Variants in DIAPH2 observed in about 807,000 individuals in gnomAD.
The protein encoded by DIAPH2 is diaphanous related formin 2, also known as protein diaphanous homolog 2.
DIAPH2 carries 35 observed loss-of-function variants against 92.7 expected under a neutral mutation model. That is an observed-to-expected ratio of 0.38 (90% CI 0.29 to 0.50). The LOEUF (loss-of-function observed/expected upper bound fraction) is 0.50, where lower values mean the gene tolerates loss of function less well. Ranked by LOEUF, DIAPH2 falls within the 20% of genes least tolerant of loss-of-function variation. DIAPH2 has a pLI of 0.94. For missense variants in DIAPH2, 701 were observed against 819.5 expected, an observed-to-expected ratio of 0.86 and a Z score of 1.77; for synonymous variants, 301 against 280.4, an observed-to-expected ratio of 1.07 and a Z score of -0.73.
intron 23 of DIAPH2, among the ~76,000 whole-genome samples, chrX:97,334,809 C>T (rs1332410313): frequency 9.4e-6 from 1 of 106,909 alleles, no homozygotes; most frequent in Non-Finnish European, 1.9e-5. Flanking sequence ...AGTGAAACGC[C>T]GTCTCTATTA....
intron 17 of DIAPH2, among the ~76,000 whole-genome samples, chrX:96,987,145 C>T (rs1450318068): frequency 3.6e-5 from 4 of 109,913 alleles, no homozygotes; most frequent in African/African-American, 1.3e-4. Context: ...GCATAATCAA[C>T]ATAGGGATAA....
chrX:97,515,909 A>G (rs774320096), intron 26 of DIAPH2, among the ~76,000 whole-genome samples: 8 of 111,520 alleles, frequency 7.2e-5, no homozygotes, highest in African/African-American at 2.6e-4. Context: ...AAGCTGGTAG[A>G]TTAGTGAATT....
At chrX:96,991,317 T>C (rs2066068722) in intron 17 of DIAPH2, among the ~76,000 whole-genome samples, 1 of 109,738 alleles carries the variant, frequency 9.1e-6, no homozygotes, top group East Asian at 2.9e-4. Flanking sequence ...GGGGTTTCTC[T>C]ATGTTGGCCA....
chrX:96,832,635 T>C, intron 4 of DIAPH2, among the ~76,000 whole-genome samples: 1 of 111,245 alleles, frequency 9.0e-6, no homozygotes. Flanking sequence ...CATTTTGTAT[T>C]TGGATAGAAG....
intron 26 of DIAPH2, among the ~76,000 whole-genome samples, chrX:97,494,616 G>C (rs1374175643): frequency 8.9e-6 from 1 of 111,923 alleles, no homozygotes; most frequent in Non-Finnish European, 1.9e-5. Context: ...CATTCTTTCT[G>C]GACTTGTTTA....
intron 3 of DIAPH2, among the ~76,000 whole-genome samples, chrX:96,756,366 A>G (rs955342091): frequency 9.0e-6 from 1 of 111,600 alleles, no homozygotes; most frequent in Non-Finnish European, 1.9e-5. Flanking sequence ...TTTAATATGA[A>G]TAGAATCATA....
At chrX:96,866,812 A>G (rs1270717683) in intron 4 of DIAPH2, among the ~76,000 whole-genome samples, 2 of 112,092 alleles carry the variant, frequency 1.8e-5, no homozygotes, top group Non-Finnish European at 3.8e-5. Context: ...TTTTGGAGGT[A>G]TGTGTGTGCA....
intron 4 of DIAPH2, among the ~76,000 whole-genome samples, chrX:96,845,747 A>G (rs1403388931): frequency 8.9e-6 from 1 of 112,159 alleles, no homozygotes; most frequent in Non-Finnish European, 1.9e-5. Context: ...TATAAAGCGT[A>G]AATGAAAGCA....
At chrX:96,836,918 G>T (rs1202738910) in intron 4 of DIAPH2, among the ~76,000 whole-genome samples, 1 of 100,503 alleles carries the variant, frequency 9.9e-6, no homozygotes, top group South Asian at 4.8e-4. Flanking sequence ...TAGTAGAGAC[G>T]GGGTTTCACC....
rs1437729419 is a variant in DIAPH2 at position 97,055,842 on chromosome X, T to C, written c.2051-17099T>C. ...TTCAAGAAAAAAACTATTAGTAATTTAATAAATTCAGTAGCTTCCTATATC... is the reference window on the plus strand; with the variant it reads ...TTCAAGAAAAAAACTATTAGTAATTCAATAAATTCAGTAGCTTCCTATATC... On this transcript the variant is annotated intron_variant, in intron 17 of 26. Transcript: ENST00000324765. Among the ~76,000 whole-genome samples, 8 of 111,781 alleles carry C rather than the reference T, an allele frequency of 7.2e-5. No homozygotes were observed. In the East Asian group the frequency reaches 2.0e-3, roughly 27 times the overall value.
At chrX:96,986,782 C>T (rs916652811) in intron 17 of DIAPH2, among the ~76,000 whole-genome samples, 1 of 111,208 alleles carries the variant, frequency 9.0e-6, no homozygotes, top group African/African-American at 3.3e-5. Context: ...AAATATTAGA[C>T]ATCTCTTTGC....
At chrX:97,561,955 C>T (rs376926223) in intron 26 of DIAPH2, among the ~76,000 whole-genome samples, 2 of 112,135 alleles carry the variant, frequency 1.8e-5, no homozygotes, top group South Asian at 7.5e-4. Flanking sequence ...CAAAGGATCA[C>T]AGTATGAAAT....
intron 26 of DIAPH2, among the ~76,000 whole-genome samples, chrX:97,499,459 A>T (rs897238005): frequency 8.0e-5 from 9 of 111,843 alleles, no homozygotes; most frequent in Non-Finnish European, 1.3e-4. Flanking sequence ...GGTTTGTTGC[A>T]TAGGTATATT....
intron 22 of DIAPH2, among the ~76,000 whole-genome samples, chrX:97,148,540 T>G (rs1192383702): frequency 1.8e-5 from 2 of 110,999 alleles, no homozygotes; most frequent in Admixed American, 1.9e-4. Context: ...AAAGACTGTA[T>G]TCTTTTTGTC....
chrX:96,743,475 A>G (rs1259964634), intron 3 of DIAPH2, among the ~76,000 whole-genome samples: 1 of 111,813 alleles, frequency 8.9e-6, no homozygotes, highest in East Asian at 2.8e-4. Context: ...TTTTCTCCAC[A>G]TCCTGGTCAA....
chrX:96,835,582 T>G (rs2064880930), intron 4 of DIAPH2, among the ~76,000 whole-genome samples: 2 of 112,359 alleles, frequency 1.8e-5, no homozygotes, highest in South Asian at 7.4e-4. Flanking sequence ...TTTCTATATT[T>G]TATACATTGT....
chrX:96,777,238 T>A (rs1274478770), intron 4 of DIAPH2, among the ~76,000 whole-genome samples: 1 of 111,981 alleles, frequency 8.9e-6, no homozygotes, highest in Non-Finnish European at 1.9e-5. Flanking sequence ...TAGGCCATTT[T>A]TATGTGTTTT....
At chrX:96,951,978 A>G (rs2065778029) in intron 15 of DIAPH2, among the ~76,000 whole-genome samples, 2 of 111,706 alleles carry the variant, frequency 1.8e-5, no homozygotes, top group Admixed American at 1.9e-4. Context: ...TCCATTAATT[A>G]AAAAATGGGA....
At chrX:96,764,470 G>A (rs1485198725) in intron 4 of DIAPH2, among the ~76,000 whole-genome samples, 3 of 111,718 alleles carry the variant, frequency 2.7e-5, no homozygotes, top group South Asian at 3.7e-4. Flanking sequence ...AAAAAATCAA[G>A]TTGAAGGATG....
Sources: gnomAD v4.1 joint callset for allele counts (sites outside exome capture counted in the v4.1 genomes callset) on GRCh38, gnomAD v4.1.1 for gene constraint, MANE v1.5 for transcripts, NCBI Gene and HGNC (gene_info 2026-07-23, HGNC 2026-07-21) for gene names.